DHRS1: variants seen among roughly 807,000 people sequenced by gnomAD.
DHRS1 encodes dehydrogenase/reductase SDR family member 1.
In DHRS1, 34 loss-of-function variants were observed where a neutral mutation model predicts 35.2. The observed-to-expected ratio is 0.97, with a 90% CI of 0.74 to 1.29. DHRS1 has a LOEUF of 1.29. Among genes scored for constraint, DHRS1 ranks in the 50% most tolerant of loss-of-function variants. The pLI, the probability that DHRS1 is intolerant of heterozygous loss-of-function variation, is 0.00. For synonymous variants in DHRS1, 133 were observed against 160.0 expected, an observed-to-expected ratio of 0.83 and a Z score of 1.27; for missense variants, 354 against 403.6, an observed-to-expected ratio of 0.88 and a Z score of 1.05.
intron 2 of DHRS1, 21 bp downstream of exon 2, chr14:24,298,936 G>C (rs2041313441): frequency 6.3e-7 from 1 of 1,589,342 alleles, no homozygotes; most frequent in African/African-American, 1.3e-5. Context: ...CTGCAACTGT[G>C]GTCCCAGAGG....
chr14:24,291,507 T>A (rs760606744), intron 7 of DHRS1, 49 bp downstream of exon 7: 67 of 1,584,048 alleles, frequency 4.2e-5, no homozygotes, highest in Non-Finnish European at 5.6e-5. Context: ...GCTACCGCAC[T>A]ACACATCCTC....
At chr14:24,294,104 T>TA (rs1160795619) in intron 4 of DHRS1, 1 of 152,106 alleles carries the variant, frequency 6.6e-6, no homozygotes, top group South Asian at 2.1e-4. Flanking sequence ...TATTTAAATA[T>TA]AAAAAACGAA....
rs886887589 is a variant in DHRS1 at position 24,290,779 on chromosome 14, G to A, written c.*80C>T. On this transcript the variant is annotated 3_prime_UTR_variant, in exon 9 of 9. Coordinates refer to ENST00000288111, the MANE Select transcript of DHRS1 (RefSeq NM_001136050.3). Reference sequence around the variant, plus strand: ...TCAAGGGTATGGGTAAACAAGAAAGGCTGCTGTTTCACTGAGACAGGACGA... The same window carrying A: ...TCAAGGGTATGGGTAAACAAGAAAGACTGCTGTTTCACTGAGACAGGACGA... 3.2e-6 allele frequency: 5 copies of A among 1,559,332 alleles called. No homozygotes were observed. The African/African-American group carries it at 6.8e-5, about 21-fold the overall frequency.
chr14:24,295,367 C>T (rs1188087270), intron 4 of DHRS1, among the ~76,000 whole-genome samples: 1 of 152,086 alleles, frequency 6.6e-6, no homozygotes, highest in Non-Finnish European at 1.5e-5. Context: ...ATTTCTTTTG[C>T]ATAGGGAAAG....
rs934971060 is a variant in DHRS1 at position 24,291,126 on chromosome 14, C to T, written c.805+13G>A. 4.3e-6 allele frequency: 7 copies of T among 1,614,078 alleles called. No individual in the cohort carries two copies. The highest frequency in any genetic ancestry group is 5.9e-6 in the Non-Finnish European group (7 of 1,179,996). On this transcript the variant is annotated intron_variant, in intron 8 of 8. Coordinates refer to ENST00000288111, the MANE Select transcript of DHRS1 (RefSeq NM_001136050.3). ...ACAGCAGTCAAGGCTGACTGCTGTG[C>T]CAGGGTCCTCACCGTCCACATCCCG...
At chr14:24,299,266 C>CA (rs2041323035) in intron 1 of DHRS1, 136 bp from the exon 2 acceptor site, 2 of 790,176 alleles carry the variant, frequency 2.5e-6, no homozygotes, top group South Asian at 1.9e-5. Context: ...GGAGAGGAGT[C>CA]AGAGGCTGAC....
At chr14:24,292,436 G>A in intron 5 of DHRS1, 106 bp from the exon 6 acceptor site, 1 of 1,528,058 alleles carries the variant, frequency 6.5e-7, no homozygotes. Flanking sequence ...GTCCTTCCCA[G>A]GAGCCCCAAG....
At chr14:24,297,982 T>C (rs2041286473) in intron 2 of DHRS1, among the ~76,000 whole-genome samples, 1 of 152,216 alleles carries the variant, frequency 6.6e-6, no homozygotes, top group Non-Finnish European at 1.5e-5. Context: ...ATTTACCATA[T>C]TCACATTACA....
chr14:24,296,936 C>G, intron 2 of DHRS1, 55 bp from the exon 3 acceptor site: 3 of 1,608,738 alleles, frequency 1.9e-6, no homozygotes, highest in Non-Finnish European at 1.7e-6. Context: ...TGAGTCATGA[C>G]AAAACTCCCC....
intron 6 of DHRS1, chr14:24,291,927 TG>T: frequency 1.7e-6 from 1 of 605,900 alleles, no homozygotes; most frequent in Non-Finnish European, 2.9e-6. Flanking sequence ...GCATGGTCTT[TG>T]GAGCTAGACA....
chr14:24,292,613 T>C, intron 5 of DHRS1, 39 bp downstream of exon 5: 1 of 1,614,164 alleles, frequency 6.2e-7, no homozygotes, highest in Non-Finnish European at 8.5e-7. Flanking sequence ...AACATCACTG[T>C]CTTTTACCTC....
chr14:24,292,571 C>A, intron 5 of DHRS1, 81 bp downstream of exon 5: 1 of 1,609,870 alleles, frequency 6.2e-7, no homozygotes, highest in Non-Finnish European at 8.5e-7. Context: ...ACCATTCTGA[C>A]CACTGGGGAT....
chr14:24,295,466 C>T (rs1023086998), intron 4 of DHRS1, among the ~76,000 whole-genome samples: 3 of 152,134 alleles, frequency 2.0e-5, no homozygotes, highest in African/African-American at 7.2e-5. Context: ...GCAGTAAATG[C>T]GCATGGGGAA....
At chr14:24,296,962 G>T in intron 2 of DHRS1, 81 bp from the exon 3 acceptor site, 1 of 1,583,958 alleles carries the variant, frequency 6.3e-7, no homozygotes, top group Non-Finnish European at 8.6e-7. Flanking sequence ...AAGTGGGCTT[G>T]AGAACTGAGA....
chr14:24,297,141 T>C (rs1364759498), intron 2 of DHRS1, among the ~76,000 whole-genome samples: 3 of 152,252 alleles, frequency 2.0e-5, no homozygotes, highest in Non-Finnish European at 4.4e-5. Flanking sequence ...GCCCACCATG[T>C]GCACAGCATT....
rs762312070 is a variant in DHRS1 at position 24,292,697 on chromosome 14, G to T, written c.462C>A (p.Ser154Arg). The part of the protein sequence containing the change: ...GLIVVISSPG[S>R]LQYMFNVPYG... ...AGGGGACATTGAACATATACTGCAG[G>T]CTTCCTGGGGAGGAGATGACCACGA... Residue 154 changes from serine to arginine, a missense_variant, in exon 5 of 9, where the codon AGC becomes AGA. Physicochemically the swap from Ser to Arg is moderately radical, Grantham distance 110 (BLOSUM62 -1). Transcript: ENST00000288111. 12 of 1,614,190 alleles carry T rather than the reference G, an allele frequency of 7.4e-6. No individual in the cohort carries two copies. The South Asian group carries it at 1.2e-4, about 16-fold the overall frequency.
Position 24,296,794 on chromosome 14 carries a change from G to C in DHRS1, c.238C>G (p.Arg80Gly), listed in dbSNP as rs2295304. 3.0e-4 allele frequency: 482 copies of C among 1,614,202 alleles called. 5 individuals carry two copies. The East Asian group carries it at 0.011, about 35-fold the overall frequency. The change falls in exon 3 of 9, where the codon CGG becomes GGG. Residue 80 changes from arginine (R) to glycine (G), a missense_variant. Arg to Gly is a moderately radical substitution (Grantham distance 125, BLOSUM62 -2). Coordinates refer to ENST00000288111, the MANE Select transcript of DHRS1 (RefSeq NM_001136050.3). The part of the protein sequence containing the change: ...EVRSLFEQVD[R>G]EQQGRLDVLV... The stretch of plus-strand genomic sequence containing the variant: ...ACATCTAGACGCCCTTGCTGTTCCC[G>C]ATCCACTTGCTCAAACAGGCTTCGC...
intron 4 of DHRS1, chr14:24,293,657 G>A (rs1057507026): frequency 6.6e-6 from 1 of 151,902 alleles, no homozygotes; most frequent in Non-Finnish European, 1.5e-5. Context: ...TTGTGGGTGA[G>A]GGGGATTGCT....
At chr14:24,292,403 A>G in intron 5 of DHRS1, 73 bp from the exon 6 acceptor site, 2 of 1,590,128 alleles carry the variant, frequency 1.3e-6, no homozygotes, top group South Asian at 2.2e-5. Flanking sequence ...CTCTGCTTCT[A>G]CTGTGAATGC....
Sources: gnomAD v4.1 joint callset for allele counts (sites outside exome capture counted in the v4.1 genomes callset) on GRCh38, gnomAD v4.1.1 for gene constraint, MANE v1.5 for transcripts, NCBI Gene and HGNC (gene_info 2026-07-23, HGNC 2026-07-21) for gene names.